Variants in GRID1 observed in about 807,000 individuals in gnomAD.
GRID1 encodes glutamate ionotropic receptor delta type subunit 1.
In GRID1, 28 loss-of-function variants were observed where a neutral mutation model predicts 98.0. The observed-to-expected ratio is 0.29, with a 90% CI of 0.21 to 0.39. The LOEUF (loss-of-function observed/expected upper bound fraction) is 0.39. GRID1 is among the 10% of genes least tolerant of loss of function. The pLI is 1.00. For missense variants in GRID1, 1,111 were observed against 1,340.5 expected (o/e 0.83, Z 2.67); for synonymous variants, 553 against 538.5 (o/e 1.03, Z -0.37).
intron 4 of GRID1, among the ~76,000 whole-genome samples, chr10:86,090,856 C>CT (rs981861966): frequency 7.2e-5 from 11 of 152,188 alleles, no homozygotes; most frequent in African/African-American, 2.7e-4. Context: ...CCCTCCTCTC[C>CT]TGAACACACC....
At position 85,961,097 on chromosome 10, in the gene GRID1, A is replaced by G. The variant is rs546035742; in HGVS notation, c.727-44858T>C. ...GCCCTGCCTTGTTGAATGGCAGTAC[A>G]TCCTAAGCCCAGATTTCTACTCTGA... On this transcript the variant is annotated intron_variant, in intron 4 of 15. Transcript: ENST00000327946. 1.8e-3 allele frequency among the ~76,000 whole-genome samples: 268 copies of G among 152,230 alleles called. 1 individual carries two copies. Among genetic ancestry groups the G allele is most frequent in the African/African-American group, 6.0e-3 (249 of 41,522 alleles).
intron 2 of GRID1, among the ~76,000 whole-genome samples, chr10:86,267,021 G>A (rs1319720189): frequency 6.6e-6 from 1 of 152,200 alleles, no homozygotes; most frequent in Non-Finnish European, 1.5e-5. Context: ...GTGCCAGCCA[G>A]GCTGACCACT....
intron 12 of GRID1, among the ~76,000 whole-genome samples, chr10:85,697,962 A>G (rs1458782888): frequency 1.3e-5 from 2 of 152,166 alleles, no homozygotes; most frequent in African/African-American, 4.8e-5. Context: ...AGTACCCACT[A>G]ACTTGCAAAG....
chr10:85,980,302 G>A, intron 4 of GRID1, among the ~76,000 whole-genome samples: 1 of 152,264 alleles, frequency 6.6e-6, no homozygotes, highest in Non-Finnish European at 1.5e-5. Context: ...TCCTAGGACA[G>A]TGCCTGGCAT....
intron 13 of GRID1, among the ~76,000 whole-genome samples, chr10:85,626,037 G>C (rs953554430): frequency 3.9e-5 from 6 of 152,190 alleles, no homozygotes; most frequent in African/African-American, 1.4e-4. Flanking sequence ...TGAGAATGCT[G>C]GTGCTGCAAA....
chr10:85,711,506 GATT>G (rs1841581611), intron 12 of GRID1, among the ~76,000 whole-genome samples: 1 of 152,038 alleles, frequency 6.6e-6, no homozygotes, highest in East Asian at 1.9e-4. Context: ...CATAGGTACA[GATT>G]ATTAGTTATG....
At chr10:86,067,321 A>G (rs1168065281) in intron 4 of GRID1, among the ~76,000 whole-genome samples, 1 of 152,176 alleles carries the variant, frequency 6.6e-6, no homozygotes, top group Admixed American at 6.5e-5. Context: ...TGATCCTGAG[A>G]CAGCAGCAGC....
At position 85,876,988 on chromosome 10, in the gene GRID1, C is replaced by T. The variant is rs926048588; in HGVS notation, c.781-7808G>A. On this transcript the variant is annotated intron_variant, in intron 5 of 15. Transcript: ENST00000327946. ...CCTGGCTCGGAGGGTCCTACGCCCA[C>T]GGAGTCTCGCTGATTGCTAGCACAG... Among the ~76,000 whole-genome samples, 33 of 152,312 alleles carry T rather than the reference C, an allele frequency of 2.2e-4. 1 individual carries two copies. The highest frequency in any genetic ancestry group is 6.5e-4 in the Admixed American group (10 of 15,302).
At chr10:85,680,539 C>A (rs1433191237) in intron 12 of GRID1, among the ~76,000 whole-genome samples, 1 of 152,176 alleles carries the variant, frequency 6.6e-6, no homozygotes, top group East Asian at 1.9e-4. Flanking sequence ...TGTAAATTAG[C>A]ACAAGCCCTA....
At position 85,831,908 on chromosome 10, in the gene GRID1, C is replaced by A. The variant is rs950445922; in HGVS notation, c.1233+22588G>T. 2.0e-4 allele frequency among the ~76,000 whole-genome samples: 31 copies of A among 151,256 alleles called. 1 individual carries two copies. The highest frequency in any genetic ancestry group is 7.5e-4 in the African/African-American group (31 of 41,224). On this transcript the variant is annotated intron_variant, in intron 8 of 15. Transcript: ENST00000327946. ...CATAGCAAGAAGCCAGAAAAAAGAA[C>A]AAATCATAATAAAATATATTGGAAA...
chr10:86,062,213 C>T (rs1843659016), intron 4 of GRID1, among the ~76,000 whole-genome samples: 3 of 152,204 alleles, frequency 2.0e-5, no homozygotes, highest in African/African-American at 7.2e-5. Flanking sequence ...CTTTCTGGCT[C>T]CTGGAGCCAT....
At chr10:85,837,272 C>T (rs1842919224) in intron 8 of GRID1, among the ~76,000 whole-genome samples, 1 of 152,184 alleles carries the variant, frequency 6.6e-6, no homozygotes, top group Non-Finnish European at 1.5e-5. Context: ...CAGCCAGCAC[C>T]TTGTCCCAAA....
intron 8 of GRID1, among the ~76,000 whole-genome samples, chr10:85,813,603 T>C (rs1271216215): frequency 6.6e-6 from 1 of 151,898 alleles, no homozygotes; most frequent in South Asian, 2.1e-4. Flanking sequence ...AAAATGTTTT[T>C]TAAAATTTGC....
chr10:85,678,074 C>T (rs1424489460), intron 12 of GRID1, among the ~76,000 whole-genome samples: 3 of 152,146 alleles, frequency 2.0e-5, no homozygotes, highest in African/African-American at 2.4e-5. Context: ...TCTTCACCAC[C>T]AGCATTCTGC....
At chr10:85,805,889 T>C (rs572794317) in intron 8 of GRID1, among the ~76,000 whole-genome samples, 1 of 149,508 alleles carries the variant, frequency 6.7e-6, no homozygotes, top group African/African-American at 2.5e-5. Flanking sequence ...GACAAAAACA[T>C]AGGGAAAAAT....
intron 12 of GRID1, among the ~76,000 whole-genome samples, chr10:85,713,574 G>A (rs757435653): frequency 6.6e-6 from 1 of 150,488 alleles, no homozygotes; most frequent in Admixed American, 6.6e-5. Flanking sequence ...TATCCCAGAT[G>A]AGCATAGATG....
chr10:85,660,331 ACT>A (rs1840950962), intron 12 of GRID1, among the ~76,000 whole-genome samples: 1 of 152,174 alleles, frequency 6.6e-6, no homozygotes, highest in South Asian at 2.1e-4. Flanking sequence ...ACTCAGGATA[ACT>A]CTGCCAGTAT....
intron 2 of GRID1, among the ~76,000 whole-genome samples, chr10:86,320,619 T>A (rs745839094): frequency 4.6e-5 from 7 of 152,146 alleles, no homozygotes; most frequent in Non-Finnish European, 1.0e-4. Flanking sequence ...TGGTGATGGC[T>A]GCACAGAATG....
At chr10:85,848,767 T>C (rs1843030394) in intron 8 of GRID1, among the ~76,000 whole-genome samples, 1 of 152,236 alleles carries the variant, frequency 6.6e-6, no homozygotes, top group Admixed American at 6.5e-5. Flanking sequence ...AAATACTTGA[T>C]TGCATCTTTT....
Sources: gnomAD v4.1 joint callset for allele counts (sites outside exome capture counted in the v4.1 genomes callset) on GRCh38, gnomAD v4.1.1 for gene constraint, MANE v1.5 for transcripts, NCBI Gene and HGNC (gene_info 2026-07-23, HGNC 2026-07-21) for gene names.